ING4: variants seen among roughly 807,000 people sequenced by gnomAD.
The protein encoded by ING4 is inhibitor of growth family member 4.
A neutral mutation model predicts 33.1 loss-of-function variants in ING4; 28 were observed. That is an observed-to-expected ratio of 0.85 (90% CI 0.63 to 1.16). The LOEUF is 1.16. Among genes scored for constraint, ING4 ranks in the 50% most tolerant of loss-of-function variants. The probability of loss-of-function intolerance (pLI) is 0.00; values close to 1 mark genes in which losing one functional copy is unlikely to be tolerated. For synonymous variants in ING4, 87 were observed against 104.4 expected (o/e 0.83, Z 1.02); for missense variants, 247 against 314.7 (o/e 0.78, Z 1.63).
rs1471400428 is a variant in ING4 at position 6,653,346 on chromosome 12, G to C, written c.160C>G (p.Arg54Gly). Residue 54 changes from arginine to glycine, a missense_variant, in exon 3 of 8, where the codon CGC becomes GGC. Arg to Gly is a moderately radical substitution (Grantham distance 125). Transcript: ENST00000341550. ...KLATEYMSSARSLSSEEKLAL... is the reference protein window; with the variant it reads ...KLATEYMSSAGSLSSEEKLAL... ...AATTTTTCCTCGGAGCTCAGGCTGC[G>C]GGCACTACTCATATACTCAGTGGCC... The C allele has an allele frequency of 1.9e-6, 3 of 1,614,020 alleles. No individual in the cohort carries two copies. The highest frequency in any genetic ancestry group is 2.5e-6 in the Non-Finnish European group (3 of 1,180,038).
Position 6,653,315 on chromosome 12 carries a change from A to C in ING4, c.191T>G (p.Leu64Arg). ...ATAGGCTTCCTGGATCTGTTTGAGA[A>C]GGGCCAATTTTTCCTCGGAGCTCAG... ...RSLSSEEKLA[L>R]LKQIQEAYGK... is the part of the protein sequence containing the mutation. Residue 64 changes from leucine to arginine, a missense_variant, in exon 3 of 8, where the codon CTT becomes CGT. Physicochemically the swap from Leu to Arg is moderately radical, Grantham distance 102. Coordinates refer to ENST00000341550, the MANE Select transcript of ING4 (RefSeq NM_016162.4). The C allele has an allele frequency of 6.2e-7, 1 of 1,614,158 alleles. No individual in the cohort carries two copies. Among genetic ancestry groups the C allele is most frequent in the Non-Finnish European group, 8.5e-7 (1 of 1,180,044 alleles).
intron 1 of ING4, among the ~76,000 whole-genome samples, chr12:6,661,385 C>T (rs910327312): frequency 2.0e-5 from 3 of 148,098 alleles, no homozygotes; most frequent in Admixed American, 6.7e-5. Flanking sequence ...CATGAGCCAC[C>T]GTGCCTGGCC....
At chr12:6,655,547 A>G in intron 2 of ING4, 1 of 1,029,018 alleles carries the variant, frequency 9.7e-7, no homozygotes, top group Non-Finnish European at 1.2e-6. Flanking sequence ...AGAAGCTGAA[A>G]AAGCATATAG....
rs866088838 is a variant in ING4, at chr12:6,663,105, G to T, written c.-4C>A. On this transcript the variant is annotated 5_prime_UTR_variant, in exon 1 of 8. Transcript: ENST00000341550. Reference sequence around the variant, plus strand: ...CCAAATACATCCCCGCAGCCATCTCGAAGCAAAACAAAGCAACTTCCGATC... The same window carrying T: ...CCAAATACATCCCCGCAGCCATCTCTAAGCAAAACAAAGCAACTTCCGATC... 3 of 1,613,936 alleles carry T rather than the reference G, an allele frequency of 1.9e-6. No individual in the cohort carries two copies. The highest frequency in any genetic ancestry group is 2.7e-5 in the African/African-American group (2 of 74,874).
intron 6 of ING4, 57 bp from the exon 7 acceptor site, chr12:6,651,442 A>C: frequency 1.4e-6 from 2 of 1,442,984 alleles, no homozygotes; most frequent in Non-Finnish European, 9.7e-7. Context: ...GAAGGAGAGA[A>C]AGCCCCTCCA....
intron 1 of ING4, chr12:6,657,791 G>A (rs1949412774): frequency 6.6e-6 from 1 of 151,420 alleles, no homozygotes; most frequent in African/African-American, 2.4e-5. Context: ...TTAGCCAGGT[G>A]TGGTGGCACG....
intron 1 of ING4, among the ~76,000 whole-genome samples, chr12:6,659,473 C>T (rs1309611617): frequency 6.6e-6 from 1 of 151,808 alleles, no homozygotes; most frequent in East Asian, 1.9e-4. Flanking sequence ...CACCACTGCA[C>T]TTCAGCCTGG....
intron 6 of ING4, among the ~76,000 whole-genome samples, chr12:6,652,026 A>AT (rs1325395207): frequency 1.3e-5 from 2 of 150,808 alleles, no homozygotes; most frequent in African/African-American, 4.9e-5. Context: ...TGCTCAGCTA[A>AT]TTTTTGTATT....
chr12:6,653,274 A>G lies in ING4; in HGVS notation c.232T>C (p.Phe78Leu). 6.2e-7 allele frequency: 1 copy of G among 1,614,088 alleles called. No homozygotes were observed. The highest frequency in any genetic ancestry group is 8.5e-7 in the Non-Finnish European group (1 of 1,180,022). The change falls in exon 3 of 8, where the codon TTT (phenylalanine) becomes CTT (leucine). Residue 78 changes from phenylalanine (F) to leucine (L), a missense_variant. Physicochemically the swap from Phe to Leu is conservative, Grantham distance 22. Coordinates refer to ENST00000341550, the MANE Select transcript of ING4 (RefSeq NM_016162.4). Reference protein sequence around the residue: ...IQEAYGKCKEFGDDKVQLAMQ... With the variant: ...IQEAYGKCKELGDDKVQLAMQ... ...GCAAGCTGCACCTTGTCGTCACCAA[A>G]TTCCTTGCACTTGCCATAGGCTTCC... is the stretch of plus-strand genomic sequence containing the variant.
intron 2 of ING4, chr12:6,655,860 C>T (rs1457928577): frequency 2.2e-6 from 1 of 456,348 alleles, no homozygotes; most frequent in Non-Finnish European, 4.4e-6. Flanking sequence ...AGTGAATGCC[C>T]CAATGCAGCC....
chr12:6,654,323 C>A (rs941653107), intron 2 of ING4, among the ~76,000 whole-genome samples: 2 of 150,768 alleles, frequency 1.3e-5, no homozygotes, highest in African/African-American at 2.4e-5. Context: ...ACTGCTCACT[C>A]TATTTTTCTT....
chr12:6,654,238 C>T (rs970706422), intron 2 of ING4, among the ~76,000 whole-genome samples: 1 of 152,120 alleles, frequency 6.6e-6, no homozygotes, highest in South Asian at 2.1e-4. Context: ...TTTTCGCCTC[C>T]TGAGTAGTTG....
In ING4 at chr12:6,651,160, G is replaced by A; in HGVS notation, c.*35C>T. ...TGCCCACTAGCCCAAGTCAGGGGAT[G>A]TGGAAGAAACTGTGTTGGAATCCAA... On this transcript the variant is annotated 3_prime_UTR_variant, in exon 8 of 8. Transcript: ENST00000341550. 1 of 1,612,680 alleles carries A rather than the reference G, an allele frequency of 6.2e-7. No homozygotes were observed. Among genetic ancestry groups the A allele is most frequent in the South Asian group, 1.1e-5 (1 of 91,040 alleles).
chr12:6,652,399 G>A lies in ING4; in HGVS notation c.517C>T (p.Pro173Ser). The A allele has an allele frequency of 6.2e-7, 1 of 1,614,038 alleles. No individual in the cohort carries two copies. ...TGGACACTGCCAAAGGTCACTGAGGGCATCCCATACTCAGGACTTCTGCAT... is the reference window on the plus strand; with the variant it reads ...TGGACACTGCCAAAGGTCACTGAGGACATCCCATACTCAGGACTTCTGCAT... ...LVRTSPEYGM[P>S]SVTFGSVHPS... is the part of the protein sequence containing the mutation. The change falls in exon 6 of 8, where the codon CCC becomes TCC. Residue 173 changes from proline to serine, a missense_variant. This residue lies in a region of ING4 where 198 missense variants were observed against 221.2 expected (regional missense o/e 0.89). Coordinates refer to ENST00000341550, the MANE Select transcript of ING4 (RefSeq NM_016162.4).
intron 2 of ING4, among the ~76,000 whole-genome samples, chr12:6,656,168 C>A (rs930033767): frequency 6.9e-6 from 1 of 145,004 alleles, no homozygotes; most frequent in Non-Finnish European, 1.5e-5. Context: ...TTCTTTAATT[C>A]TTCTTTTTTT....
chr12:6,657,314 T>C (rs1949391386), intron 1 of ING4, among the ~76,000 whole-genome samples: 2 of 151,694 alleles, frequency 1.3e-5, no homozygotes. Flanking sequence ...CCAGGTGCGA[T>C]GGCGGGCGCC....
chr12:6,651,441 A>G, intron 6 of ING4, 56 bp from the exon 7 acceptor site: 1 of 1,458,052 alleles, frequency 6.9e-7, no homozygotes, highest in South Asian at 1.1e-5. Flanking sequence ...GGAAGGAGAG[A>G]AAGCCCCTCC....
intron 1 of ING4, among the ~76,000 whole-genome samples, chr12:6,659,792 G>T (rs1401082692): frequency 1.4e-5 from 2 of 146,848 alleles, no homozygotes; most frequent in Non-Finnish European, 3.0e-5. Context: ...CAGCCTGGGC[G>T]ACAGAGCGAG....
intron 6 of ING4, among the ~76,000 whole-genome samples, chr12:6,651,778 G>A (rs1949187625): frequency 6.6e-6 from 1 of 151,324 alleles, no homozygotes; most frequent in African/African-American, 2.4e-5. Context: ...CTGATCTCAA[G>A]TGATCTGCTC....
Sources: allele counts gnomAD v4.1 joint callset (sites outside exome capture counted in the v4.1 genomes callset), GRCh38; gene constraint gnomAD v4.1.1; regional missense constraint gnomAD v4.1.1; transcripts MANE v1.5; gene names NCBI Gene and HGNC (gene_info 2026-07-23, HGNC 2026-07-21).